PRDM5: variants seen among roughly 807,000 people sequenced by gnomAD.
PRDM5 encodes PR/SET domain 5.
In PRDM5, 56 loss-of-function variants were observed where a neutral mutation model predicts 81.2. The observed-to-expected ratio is 0.69, with a 90% CI of 0.56 to 0.86. The LOEUF is 0.86. Ranked by LOEUF, PRDM5 falls within the 40% of genes least tolerant of loss-of-function variation. The probability of loss-of-function intolerance (pLI) is 0.00; values close to 1 mark genes in which losing one functional copy is unlikely to be tolerated. For missense variants in PRDM5, 697 were observed against 770.1 expected (o/e 0.91, Z 1.12); for synonymous variants, 267 against 256.4 (o/e 1.04, Z -0.39).
intron 3 of PRDM5, among the ~76,000 whole-genome samples, chr4:120,833,020 C>T (rs1756908328): frequency 6.6e-6 from 1 of 152,102 alleles, no homozygotes; most frequent in African/African-American, 2.4e-5. Flanking sequence ...AATACCCACA[C>T]ACATAAGGCT....
intron 2 of PRDM5, among the ~76,000 whole-genome samples, chr4:120,891,425 T>C (rs1368253812): frequency 6.6e-6 from 1 of 152,182 alleles, no homozygotes; most frequent in Admixed American, 6.5e-5. Flanking sequence ...TTCTCCTTTT[T>C]TCCTTATTAG....
intron 2 of PRDM5, among the ~76,000 whole-genome samples, chr4:120,876,214 G>C (rs940119971): frequency 2.0e-5 from 3 of 152,162 alleles, no homozygotes; most frequent in African/African-American, 7.2e-5. Flanking sequence ...CACATCAGGA[G>C]TTATGACCTT....
At chr4:120,912,707 G>T (rs890406574) in intron 1 of PRDM5, among the ~76,000 whole-genome samples, 1 of 152,160 alleles carries the variant, frequency 6.6e-6, no homozygotes, top group Non-Finnish European at 1.5e-5. Context: ...CTATTTAGGA[G>T]AATGTCCTTA....
intron 2 of PRDM5, among the ~76,000 whole-genome samples, chr4:120,856,668 A>G (rs1759913875): frequency 6.6e-6 from 1 of 152,196 alleles, no homozygotes; most frequent in Admixed American, 6.5e-5. Context: ...CCAAATCAAA[A>G]CAACTCCAGA....
intron 1 of PRDM5, among the ~76,000 whole-genome samples, chr4:120,915,277 G>A (rs995976603): frequency 2.0e-5 from 3 of 152,102 alleles, no homozygotes; most frequent in South Asian, 2.1e-4. Context: ...CCTGTGGCCA[G>A]TGCCCTACTC....
chr4:120,896,537 A>C (rs548767883), intron 2 of PRDM5: 2 of 152,150 alleles, frequency 1.3e-5, no homozygotes, highest in East Asian at 3.9e-4. Context: ...GATCAATTAC[A>C]ACCTCTTTTA....
In PRDM5 at chr4:120,704,819, G is replaced by C. The variant is rs371823572; in HGVS notation, c.1728+5490C>G. ...CATCGCGGTTTATCATGTCCTAAGCGGGGGAATGATATGACAGGGAGGGGG... is the reference window on the plus strand; with the variant it reads ...CATCGCGGTTTATCATGTCCTAAGCCGGGGAATGATATGACAGGGAGGGGG... On this transcript the variant is annotated intron_variant, in intron 15 of 15. Coordinates refer to ENST00000264808, the MANE Select transcript of PRDM5 (RefSeq NM_018699.4). 1.9e-4 allele frequency among the ~76,000 whole-genome samples: 29 copies of C among 152,268 alleles called. No individual in the cohort carries two copies. In the East Asian group the frequency reaches 2.9e-3, roughly 15 times the overall value.
chr4:120,735,420 A>T (rs1455084113), intron 14 of PRDM5, among the ~76,000 whole-genome samples: 2 of 152,214 alleles, frequency 1.3e-5, no homozygotes, highest in African/African-American at 4.8e-5. Flanking sequence ...CCAATACCTC[A>T]GTTAAAACAC....
intron 3 of PRDM5, among the ~76,000 whole-genome samples, chr4:120,841,369 T>C (rs1578949894): frequency 6.6e-6 from 1 of 152,118 alleles, no homozygotes; most frequent in African/African-American, 2.4e-5. Context: ...GAACCTTTTA[T>C]GACAGTCTAT....
chr4:120,840,510 GC>G (rs1214621419), intron 3 of PRDM5, among the ~76,000 whole-genome samples: 2 of 152,126 alleles, frequency 1.3e-5, no homozygotes, highest in African/African-American at 2.4e-5. Context: ...TGACTGCATG[GC>G]TGGCCGGGTC....
intron 3 of PRDM5, among the ~76,000 whole-genome samples, chr4:120,826,723 G>A (rs999808461): frequency 5.3e-5 from 8 of 152,142 alleles, no homozygotes; most frequent in South Asian, 4.1e-4. Context: ...GTGGTGACTC[G>A]ATGAGGACTG....
At chr4:120,707,851 G>A (rs1416513646) in intron 15 of PRDM5, among the ~76,000 whole-genome samples, 2 of 152,058 alleles carry the variant, frequency 1.3e-5, no homozygotes, top group Non-Finnish European at 2.9e-5. Flanking sequence ...AATGGGCAAA[G>A]GACTTGAAGA....
chr4:120,798,217 A>G lies in PRDM5; in HGVS notation c.1188+50T>C, dbSNP rs779551447. 6 of 1,374,972 alleles carry G rather than the reference A, an allele frequency of 4.4e-6. No individual in the cohort carries two copies. The South Asian group carries it at 8.7e-5, about 20-fold the overall frequency. The allele number at this position is 1,374,972 out of a possible 1,614,324, so 85.2% of individuals were successfully genotyped here. ...GCTTTATCAAAAATAAAAATTGAAA[A>G]TCACAGCAGCAAATTCATAAAAAAT... On this transcript the variant is annotated intron_variant, in intron 10 of 15. Coordinates refer to ENST00000264808, the MANE Select transcript of PRDM5 (RefSeq NM_018699.4).
intron 14 of PRDM5, among the ~76,000 whole-genome samples, chr4:120,712,940 T>C (rs1399884870): frequency 6.6e-6 from 1 of 152,172 alleles, no homozygotes; most frequent in Non-Finnish European, 1.5e-5. Flanking sequence ...TGAATATAGG[T>C]GAAAGCAATT....
chr4:120,817,892 A>G (rs551553538), intron 5 of PRDM5, among the ~76,000 whole-genome samples: 38 of 152,288 alleles, frequency 2.5e-4, no homozygotes, highest in African/African-American at 8.9e-4. Flanking sequence ...GTTGCTCTCA[A>G]ATAAACAGTG....
intron 2 of PRDM5, among the ~76,000 whole-genome samples, chr4:120,858,595 A>G (rs1760180360): frequency 6.6e-6 from 1 of 151,920 alleles, no homozygotes; most frequent in Non-Finnish European, 1.5e-5. Flanking sequence ...ACGCACGCAC[A>G]CACACACACA....
intron 14 of PRDM5, among the ~76,000 whole-genome samples, chr4:120,729,228 T>TA: frequency 6.6e-6 from 1 of 152,110 alleles, no homozygotes; most frequent in Non-Finnish European, 1.5e-5. Flanking sequence ...TCCATTAGAG[T>TA]AAAAATAAAG....
chr4:120,834,728 G>C (rs1203336764), intron 3 of PRDM5, among the ~76,000 whole-genome samples: 1 of 152,100 alleles, frequency 6.6e-6, no homozygotes, highest in Non-Finnish European at 1.5e-5. Context: ...AAAAGTGTAG[G>C]TGGGCCTCAT....
intron 14 of PRDM5, among the ~76,000 whole-genome samples, chr4:120,743,039 G>C (rs1184918218): frequency 1.3e-5 from 2 of 151,490 alleles, no homozygotes; most frequent in Admixed American, 1.3e-4. Flanking sequence ...GAAAGGTCGG[G>C]TTACCTTCAA....
Sources: allele counts gnomAD v4.1 joint callset (sites outside exome capture counted in the v4.1 genomes callset), GRCh38; gene constraint gnomAD v4.1.1; transcripts MANE v1.5; gene names NCBI Gene and HGNC (gene_info 2026-07-23, HGNC 2026-07-21).